SGCD: variants seen among roughly 807,000 people sequenced by gnomAD.
The protein encoded by SGCD is delta-sarcoglycan.
Under a neutral mutation model 36.6 loss-of-function variants are expected in SGCD, and 18 were observed. The ratio of observed to expected loss-of-function variants is 0.49; its 90% CI spans 0.34 to 0.73. The LOEUF (loss-of-function observed/expected upper bound fraction) is 0.73, where lower values mean the gene tolerates loss of function less well. SGCD is among the 30% of genes least tolerant of loss of function. SGCD has a pLI of 0.01. For synonymous variants in SGCD, 133 were observed against 130.6 expected (o/e 1.02, Z -0.12); for missense variants, 387 against 346.7 (o/e 1.12, Z -0.92).
At chr5:156,693,088 T>C (rs555022288) in intron 7 of SGCD, among the ~76,000 whole-genome samples, 1 of 152,174 alleles carries the variant, frequency 6.6e-6, no homozygotes, top group Non-Finnish European at 1.5e-5. Context: ...CACAGAATAA[T>C]GTACTGTTTT....
At chr5:155,888,837 C>G (rs946252085) in intron 1 of SGCD, among the ~76,000 whole-genome samples, 1 of 152,120 alleles carries the variant, frequency 6.6e-6, no homozygotes, top group Non-Finnish European at 1.5e-5. Context: ...TTTGTAGCAA[C>G]AGTTTCTGAA....
intron 3 of SGCD, among the ~76,000 whole-genome samples, chr5:156,379,144 T>C (rs182068106): frequency 1.7e-4 from 26 of 152,272 alleles, no homozygotes; most frequent in African/African-American, 5.8e-4. Context: ...ATAAAAAATA[T>C]CTGCCATAAA....
chr5:155,756,931 T>C, the SGCD span, among the ~76,000 whole-genome samples: 1 of 152,136 alleles, frequency 6.6e-6, no homozygotes, highest in Non-Finnish European at 1.5e-5. Flanking sequence ...CCTTAGACTT[T>C]GATTTTGTCT....
At chr5:156,602,156 T>A (rs1581235465) in intron 6 of SGCD, among the ~76,000 whole-genome samples, 1 of 136,476 alleles carries the variant, frequency 7.3e-6, no homozygotes, top group Admixed American at 6.8e-5. Context: ...TATAGAGATC[T>A]TTTCACCTCC....
At chr5:156,380,347 T>A (rs1393464739) in intron 3 of SGCD, among the ~76,000 whole-genome samples, 1 of 152,206 alleles carries the variant, frequency 6.6e-6, no homozygotes, top group African/African-American at 2.4e-5. Flanking sequence ...AATACATAGT[T>A]TGTGTTTTGT....
intron 1 of SGCD, among the ~76,000 whole-genome samples, chr5:156,002,538 T>A (rs1415098251): frequency 6.6e-6 from 1 of 152,252 alleles, no homozygotes; most frequent in Non-Finnish European, 1.5e-5. Flanking sequence ...AGTCCCTGTC[T>A]GTGGTCTTTC....
At chr5:156,484,556 A>T (rs1298036360) in intron 3 of SGCD, among the ~76,000 whole-genome samples, 1 of 152,228 alleles carries the variant, frequency 6.6e-6, no homozygotes. Context: ...CTAGTATCTT[A>T]ATTATATAAT....
intron 3 of SGCD, among the ~76,000 whole-genome samples, chr5:156,431,159 C>T (rs1471870289): frequency 6.6e-6 from 1 of 152,140 alleles, no homozygotes; most frequent in East Asian, 1.9e-4. Flanking sequence ...AAGCTATCCA[C>T]CTCACAGCCT....
At chr5:156,305,521 G>A (rs1279100605) in intron 3 of SGCD, among the ~76,000 whole-genome samples, 2 of 152,186 alleles carry the variant, frequency 1.3e-5, no homozygotes, top group Admixed American at 1.3e-4. Context: ...GTGTGCTGCA[G>A]GAGTGGGGCC....
chr5:156,261,439 G>A (rs1357113259), intron 3 of SGCD, among the ~76,000 whole-genome samples: 2 of 152,152 alleles, frequency 1.3e-5, no homozygotes, highest in Admixed American at 1.3e-4. Flanking sequence ...AAATGGAGAT[G>A]AAAAATTTTT....
intron 1 of SGCD, among the ~76,000 whole-genome samples, chr5:156,024,231 C>G (rs959051249): frequency 6.6e-6 from 1 of 151,816 alleles, no homozygotes; most frequent in Non-Finnish European, 1.5e-5. Flanking sequence ...GCAATGTGTG[C>G]TTTGATGGAG....
chr5:156,381,167 A>C (rs1770954059), intron 3 of SGCD, among the ~76,000 whole-genome samples: 1 of 152,222 alleles, frequency 6.6e-6, no homozygotes, highest in Non-Finnish European at 1.5e-5. Flanking sequence ...TGCCTGCTGC[A>C]TTCTAGCAGT....
chr5:156,637,346 C>G (rs1466951194), intron 6 of SGCD, among the ~76,000 whole-genome samples: 1 of 152,098 alleles, frequency 6.6e-6, no homozygotes, highest in Non-Finnish European at 1.5e-5. Context: ...AGCATGAGAA[C>G]AGACTAATTA....
At chr5:156,696,527 TG>T (rs1341572346) in intron 7 of SGCD, among the ~76,000 whole-genome samples, 3 of 152,212 alleles carry the variant, frequency 2.0e-5, no homozygotes, top group African/African-American at 7.2e-5. Context: ...TTGCTTTTTT[TG>T]AGGGTAAGTC....
intron 4 of SGCD, among the ~76,000 whole-genome samples, chr5:156,532,829 A>C (rs891578562): frequency 6.6e-6 from 1 of 152,190 alleles, no homozygotes; most frequent in Admixed American, 6.5e-5. Flanking sequence ...AGAGATGAAC[A>C]GTCAAAGGAT....
intron 7 of SGCD, among the ~76,000 whole-genome samples, chr5:156,704,771 G>A (rs1279735569): frequency 6.6e-6 from 1 of 151,788 alleles, no homozygotes; most frequent in African/African-American, 2.4e-5. Context: ...TTAAAATACA[G>A]TGAAATATTA....
At chr5:156,664,476 T>C in intron 7 of SGCD, among the ~76,000 whole-genome samples, 1 of 140,866 alleles carries the variant, frequency 7.1e-6, no homozygotes, top group Non-Finnish European at 1.5e-5. Flanking sequence ...AGGTACTTCC[T>C]GGGTCTTGGA....
At chr5:156,370,629 GA>G (rs1279236242) in intron 3 of SGCD, among the ~76,000 whole-genome samples, 1 of 152,142 alleles carries the variant, frequency 6.6e-6, no homozygotes, top group Non-Finnish European at 1.5e-5. Flanking sequence ...AGTAAACGTT[GA>G]CATAAGAACC....
chr5:155,812,411 C>T, the SGCD span, among the ~76,000 whole-genome samples: 1 of 152,286 alleles, frequency 6.6e-6, no homozygotes, highest in East Asian at 1.9e-4. Context: ...TCCAACCTGG[C>T]ATTGTCTTTA....
Sources: allele counts gnomAD v4.1 joint callset (sites outside exome capture counted in the v4.1 genomes callset), GRCh38; gene constraint gnomAD v4.1.1; transcripts MANE v1.5; gene names NCBI Gene and HGNC (gene_info 2026-07-23, HGNC 2026-07-21).